The following SLMAP variants were observed in gnomAD, a reference collection of about 807,000 sequenced individuals.
SLMAP encodes the protein sarcolemma associated protein.
In SLMAP, 44 loss-of-function variants were observed where a neutral mutation model predicts 128.8. The ratio of observed to expected loss-of-function variants is 0.34; its 90% CI spans 0.27 to 0.44. The LOEUF (loss-of-function observed/expected upper bound fraction) is 0.44. Ranked by LOEUF, SLMAP falls within the 20% of genes least tolerant of loss-of-function variation. The probability of loss-of-function intolerance (pLI) is 1.00; values close to 1 mark genes in which losing one functional copy is unlikely to be tolerated. For missense variants in SLMAP, 787 were observed against 985.3 expected (o/e 0.80, Z 2.69); for synonymous variants, 327 against 348.8 (o/e 0.94, Z 0.70).
rs1261318115 is a variant in SLMAP, at chr3:57,928,544, ATAT to A, written c.*1259_*1261del. On this transcript the variant is annotated 3_prime_UTR_variant, in exon 25 of 25. Coordinates refer to ENST00000671191, the MANE Select transcript of SLMAP (RefSeq NM_001377540.1). ...ATGAAGCACCTAAAAACACTGCTTG[ATAT>A]TATAAATTTAAAACACAAGTGAAAG... 31 of 152,204 alleles carry A rather than the reference ATAT, an allele frequency of 2.0e-4. No homozygotes were observed. The highest frequency in any genetic ancestry group is 6.5e-4 in the African/African-American group (27 of 41,458). The allele number at this position is 152,204 out of a possible 1,614,324, so 9.4% of individuals were successfully genotyped here. A position where few individuals can be genotyped will look rare whatever the true frequency, so the allele number is the denominator to read the frequency against.
intron 2 of SLMAP, among the ~76,000 whole-genome samples, chr3:57,819,081 A>G (rs952468789): frequency 1.3e-5 from 2 of 152,210 alleles, no homozygotes; most frequent in African/African-American, 2.4e-5. Context: ...TGACTGTTTC[A>G]TAAATTGCAT....
chr3:57,923,011 G>A lies in SLMAP; in HGVS notation c.2433G>A (p.Glu811=). 1 of 1,613,702 alleles carries A rather than the reference G, an allele frequency of 6.2e-7. No individual in the cohort carries two copies. Among genetic ancestry groups the A allele is most frequent in the African/African-American group, 1.3e-5 (1 of 75,022 alleles). Residue 811 remains glutamate (E), a synonymous_variant, in exon 23 of 25, where the codon GAG becomes GAA. Transcript: ENST00000671191. ...QCKNNLKLLR[E]KGNNPSILQP... ...AAAACAACCTGAAGCTGCTCCGAGA[G>A]AAAGGAAATAATGTAAGTCTTTGCA...
chr3:57,839,890 G>C (rs2093839805), intron 3 of SLMAP, among the ~76,000 whole-genome samples: 1 of 152,096 alleles, frequency 6.6e-6, no homozygotes, highest in Non-Finnish European at 1.5e-5. Context: ...GTTTTGCCAT[G>C]TTGGCCAGGC....
chr3:57,867,049 G>A (rs188955987), intron 13 of SLMAP, among the ~76,000 whole-genome samples: 46 of 151,942 alleles, frequency 3.0e-4, no homozygotes, highest in Admixed American at 1.2e-3. Flanking sequence ...GTGGTGGCAC[G>A]CTACTGTAAT....
At chr3:57,906,334 G>A (rs1168907607) in intron 17 of SLMAP, among the ~76,000 whole-genome samples, 89 of 34,326 alleles carry the variant, frequency 2.6e-3, no homozygotes, top group African/African-American at 8.7e-3. Flanking sequence ...TTTTTTTTTA[G>A]AGACACAGTC....
chr3:57,822,393 A>G (rs1484073964), intron 2 of SLMAP, among the ~76,000 whole-genome samples: 3 of 152,052 alleles, frequency 2.0e-5, no homozygotes, highest in African/African-American at 7.2e-5. Context: ...TCTTAATCTG[A>G]TGCCACGGAA....
intron 17 of SLMAP, among the ~76,000 whole-genome samples, chr3:57,905,575 C>T (rs961782218): frequency 3.3e-5 from 5 of 152,146 alleles, no homozygotes; most frequent in African/African-American, 9.7e-5. Flanking sequence ...GCCACTGTGC[C>T]CGGCCCAGGG....
At chr3:57,853,977 AT>A (rs1231568684) in intron 6 of SLMAP, among the ~76,000 whole-genome samples, 2 of 104,214 alleles carry the variant, frequency 1.9e-5, no homozygotes, top group African/African-American at 7.8e-5. Flanking sequence ...ATATATATAT[AT>A]ATATATATAT....
rs2094298840 is a variant in SLMAP at position 57,847,208 on chromosome 3, CACCATT to C, written c.436_441del (p.Leu146_Pro147del). On this transcript the variant is annotated inframe_deletion, in exon 5 of 25. Transcript: ENST00000671191. ...ATTTTACTTTTCAGTGTCATCCATGCACCATTACCAAGTCCTGTTGACAAAGTAAGT... is the reference window on the plus strand; with the variant it reads ...ATTTTACTTTTCAGTGTCATCCATGCACCAAGTCCTGTTGACAAAGTAAGT... The C allele has an allele frequency of 5.6e-6, 9 of 1,605,426 alleles. No individual in the cohort carries two copies. Among genetic ancestry groups the C allele is most frequent in the Middle Eastern group, 1.7e-4 (1 of 6,026 alleles).
At chr3:57,844,040 A>G (rs1194806507) in intron 4 of SLMAP, among the ~76,000 whole-genome samples, 2 of 151,236 alleles carry the variant, frequency 1.3e-5, no homozygotes, top group Non-Finnish European at 2.9e-5. Flanking sequence ...TCAGCCTCCC[A>G]AAGTGCTGGG....
intron 14 of SLMAP, among the ~76,000 whole-genome samples, chr3:57,879,090 T>C (rs1274938023): frequency 5.3e-5 from 8 of 152,216 alleles, no homozygotes; most frequent in Non-Finnish European, 8.8e-5. Context: ...ACTTCTGGGC[T>C]CAAGTGATCC....
chr3:57,758,032 G>A (rs911790783), intron 2 of SLMAP, among the ~76,000 whole-genome samples, 183 bp downstream of exon 2: 1 of 152,132 alleles, frequency 6.6e-6, no homozygotes, highest in African/African-American at 2.4e-5. Flanking sequence ...GTGGTTGAAT[G>A]GAAAACAGAG....
chr3:57,906,700 T>A (rs1250494556), intron 17 of SLMAP, among the ~76,000 whole-genome samples: 5 of 141,230 alleles, frequency 3.5e-5, no homozygotes, highest in South Asian at 4.5e-4. Context: ...TATATATATA[T>A]AATTTCCAAA....
chr3:57,907,137 C>A (rs549724006), intron 17 of SLMAP, among the ~76,000 whole-genome samples: 2 of 152,206 alleles, frequency 1.3e-5, no homozygotes, highest in South Asian at 4.2e-4. Flanking sequence ...AAGCAGTTCT[C>A]CTGCCTCAGC....
chr3:57,901,580 T>A (rs1397752988), intron 17 of SLMAP: 1 of 152,086 alleles, frequency 6.6e-6, no homozygotes, highest in Non-Finnish European at 1.5e-5. Context: ...TACAAAGAAC[T>A]AGGCACATAT....
intron 14 of SLMAP, among the ~76,000 whole-genome samples, chr3:57,887,932 T>G (rs1365049744): frequency 6.6e-6 from 1 of 152,236 alleles, no homozygotes; most frequent in East Asian, 1.9e-4. Flanking sequence ...GAATAATGCT[T>G]TCAAAATTCT....
At chr3:57,911,325 A>G (rs1238465994) in intron 19 of SLMAP, among the ~76,000 whole-genome samples, 1 of 152,156 alleles carries the variant, frequency 6.6e-6, no homozygotes, top group Non-Finnish European at 1.5e-5. Context: ...TAATATCTTA[A>G]TGTTTACTTA....
At chr3:57,849,868 A>T in intron 6 of SLMAP, 52 bp downstream of exon 6, 3 of 1,018,688 alleles carry the variant, frequency 2.9e-6, no homozygotes, top group Non-Finnish European at 4.7e-6. Flanking sequence ...TTAAACTTTT[A>T]AAAGTTCTTA....
At chr3:57,913,979 G>A (rs1319155019) in intron 21 of SLMAP, among the ~76,000 whole-genome samples, 1 of 151,578 alleles carries the variant, frequency 6.6e-6, no homozygotes, top group African/African-American at 2.4e-5. Context: ...AAAAAAAAAT[G>A]GAATTTGTGC....
Sources: allele counts gnomAD v4.1 joint callset (sites outside exome capture counted in the v4.1 genomes callset), GRCh38; gene constraint gnomAD v4.1.1; transcripts MANE v1.5; gene names NCBI Gene and HGNC (gene_info 2026-07-23, HGNC 2026-07-21).